The following FAR2 variants were observed in gnomAD, a reference collection of about 807,000 sequenced individuals.
FAR2 encodes the protein fatty acyl-CoA reductase 2.
FAR2 carries 19 observed loss-of-function variants against 56.0 expected under a neutral mutation model. That is an observed-to-expected ratio of 0.34 (90% CI 0.24 to 0.50). The LOEUF (loss-of-function observed/expected upper bound fraction) is 0.50. Ranked by LOEUF, FAR2 falls within the 20% of genes least tolerant of loss-of-function variation. The probability of loss-of-function intolerance (pLI) is 0.98; values close to 1 mark genes in which losing one functional copy is unlikely to be tolerated. For synonymous variants in FAR2, 219 were observed against 218.8 expected (o/e 1.00, Z -0.01); for missense variants, 508 against 642.2 (o/e 0.79, Z 2.26).
intron 1 of FAR2, among the ~76,000 whole-genome samples, chr12:29,201,383 T>C (rs896139580): frequency 6.6e-6 from 1 of 152,182 alleles, no homozygotes; most frequent in African/African-American, 2.4e-5. Context: ...CTGAACAAGA[T>C]ATGAAAGGGA....
chr12:29,270,211 G>A (rs959711709), intron 1 of FAR2, among the ~76,000 whole-genome samples: 1 of 152,130 alleles, frequency 6.6e-6, no homozygotes, highest in Admixed American at 6.5e-5. Flanking sequence ...CACAGTTCCT[G>A]GCATAAAGTC....
At chr12:29,292,817 A>G (rs534099759) in intron 2 of FAR2, among the ~76,000 whole-genome samples, 2 of 152,180 alleles carry the variant, frequency 1.3e-5, no homozygotes, top group Non-Finnish European at 2.9e-5. Flanking sequence ...GCAATTCTGA[A>G]GATCATTTGG....
intron 1 of FAR2, among the ~76,000 whole-genome samples, chr12:29,153,206 G>A (rs529016541): frequency 4.6e-5 from 7 of 152,296 alleles, no homozygotes; most frequent in Non-Finnish European, 7.4e-5. Flanking sequence ...GGGAAGTAGC[G>A]TGGAGAAGAA....
intron 4 of FAR2, among the ~76,000 whole-genome samples, chr12:29,300,220 A>C (rs965723807): frequency 6.6e-6 from 1 of 152,206 alleles, no homozygotes. Context: ...TTATGTATAA[A>C]ATATCTATCC....
chr12:29,219,278 T>C (rs986926733), intron 1 of FAR2, among the ~76,000 whole-genome samples: 8 of 152,192 alleles, frequency 5.3e-5, no homozygotes, highest in Non-Finnish European at 7.3e-5. Context: ...TGGCCCATAG[T>C]AAACACTAAA....
chr12:29,311,612 T>A (rs1216741848), intron 7 of FAR2, among the ~76,000 whole-genome samples: 1 of 151,866 alleles, frequency 6.6e-6, no homozygotes, highest in Non-Finnish European at 1.5e-5. Context: ...ATTTTTCTTA[T>A]GTGAACTCAC....
rs76241430 is a variant in FAR2, at chr12:29,255,103, A to G, written c.-38-15309A>G. On this transcript the variant is annotated intron_variant, in intron 1 of 11. Coordinates refer to ENST00000536681, the MANE Select transcript of FAR2 (RefSeq NM_001271783.2). The stretch of plus-strand genomic sequence containing the variant: ...GCTTGGACTTCCATAACAGAATACC[A>G]GACTATACCAGAATGGGTTGCTTAA... 3.0e-3 allele frequency among the ~76,000 whole-genome samples: 459 copies of G among 152,344 alleles called. 16 individuals are homozygous for G. In the East Asian group the frequency reaches 0.07, roughly 23 times the overall value.
intron 1 of FAR2, among the ~76,000 whole-genome samples, chr12:29,165,246 G>T (rs530662632): frequency 6.6e-6 from 1 of 152,154 alleles, no homozygotes; most frequent in African/African-American, 2.4e-5. Context: ...ATTTTCTCTT[G>T]TTGGTGTCAC....
chr12:29,319,849 T>G (rs1304969233), intron 9 of FAR2, among the ~76,000 whole-genome samples: 1 of 152,216 alleles, frequency 6.6e-6, no homozygotes, highest in African/African-American at 2.4e-5. Flanking sequence ...TTTAAAATTT[T>G]TATGTGGTAA....
chr12:29,182,269 C>T lies in FAR2; in HGVS notation c.-39+32862C>T, dbSNP rs529130965. Among the ~76,000 whole-genome samples, 12 of 152,294 alleles carry T rather than the reference C, an allele frequency of 7.9e-5. No individual in the cohort carries two copies. In the South Asian group the frequency reaches 1.4e-3, roughly 18 times the overall value. On this transcript the variant is annotated intron_variant, in intron 1 of 11. Transcript: ENST00000536681. Reference sequence around the variant, plus strand: ...CAGCTTCCACGTATGGAAGGGGACCCGAGTGGGTTGCAGCTGCTGGCTGCA... The same window carrying T: ...CAGCTTCCACGTATGGAAGGGGACCTGAGTGGGTTGCAGCTGCTGGCTGCA...
rs574117497 is a variant in FAR2, at chr12:29,207,594, AT to A, written c.-39+58196del. ...ACTATGGTTTGTTCTCGTTTCTCTG[AT>A]TTTTTTTTCTCTTTTTCCCTTTTTT... is the stretch of plus-strand genomic sequence containing the variant. On this transcript the variant is annotated intron_variant, in intron 1 of 11. Coordinates refer to ENST00000536681, the MANE Select transcript of FAR2 (RefSeq NM_001271783.2). Among the ~76,000 whole-genome samples, 222 of 151,438 alleles carry A rather than the reference AT, an allele frequency of 1.5e-3. 1 individual carries two copies. In the South Asian group the frequency reaches 0.021, roughly 15 times the overall value.
intron 1 of FAR2, among the ~76,000 whole-genome samples, chr12:29,233,527 G>C (rs1484949201): frequency 6.6e-6 from 1 of 152,104 alleles, no homozygotes; most frequent in East Asian, 1.9e-4. Context: ...TGTACCATCT[G>C]TCAACTTCCT....
At chr12:29,215,795 TAGTCATTAAATGGA>T (rs1947614673) in intron 1 of FAR2, among the ~76,000 whole-genome samples, 1 of 152,056 alleles carries the variant, frequency 6.6e-6, no homozygotes, top group African/African-American at 2.4e-5. Flanking sequence ...TAAACAAAAA[TAGTCATTAAATGGA>T]ATGAATATGT....
chr12:29,157,715 G>A (rs1001490590), intron 1 of FAR2, among the ~76,000 whole-genome samples: 5 of 152,152 alleles, frequency 3.3e-5, no homozygotes, highest in African/African-American at 1.2e-4. Flanking sequence ...GTCATTGTGA[G>A]GGCACATTCC....
At chr12:29,325,606 C>T (rs189392152) in intron 10 of FAR2, among the ~76,000 whole-genome samples, 15 of 152,282 alleles carry the variant, frequency 9.9e-5, no homozygotes, top group Admixed American at 1.3e-4. Context: ...TCACTCAAAA[C>T]CACTCAACTA....
At position 29,176,319 on chromosome 12, in the gene FAR2, G is replaced by A. The variant is rs79133963; in HGVS notation, c.-39+26912G>A. 4.3e-3 allele frequency among the ~76,000 whole-genome samples: 660 copies of A among 152,260 alleles called. 3 individuals are homozygous for A. Among genetic ancestry groups the A allele is most frequent in the South Asian group, 0.011 (54 of 4,824 alleles). ...TTTACTGCCTGTGGTGTGCTTTGCC[G>A]TCATCAGAGCCACTGGCCTGTCATG... On this transcript the variant is annotated intron_variant, in intron 1 of 11. Coordinates refer to ENST00000536681, the MANE Select transcript of FAR2 (RefSeq NM_001271783.2).
chr12:29,181,354 GTTTCATGAAA>G (rs1223982577), intron 1 of FAR2, among the ~76,000 whole-genome samples: 1 of 152,066 alleles, frequency 6.6e-6, no homozygotes, highest in Non-Finnish European at 1.5e-5. Flanking sequence ...ATTTTTGTGA[GTTTCATGAAA>G]AACTAGCCAA....
Position 29,219,011 on chromosome 12 carries a change from C to A in FAR2, c.-38-51401C>A, listed in dbSNP as rs534891777. Among the ~76,000 whole-genome samples the A allele has an allele frequency of 7.2e-5, 11 of 152,256 alleles. No homozygotes were observed. In the South Asian group the frequency reaches 2.3e-3, roughly 32 times the overall value. On this transcript the variant is annotated intron_variant, in intron 1 of 11. Transcript: ENST00000536681. ...TCAAGCAATCCCCTTTCCTCAGCGTCTTGAGTAGCTGGGACTACAAGCACA... is the reference window on the plus strand; with the variant it reads ...TCAAGCAATCCCCTTTCCTCAGCGTATTGAGTAGCTGGGACTACAAGCACA...
chr12:29,226,543 T>C (rs1947771756), intron 1 of FAR2, among the ~76,000 whole-genome samples: 1 of 152,228 alleles, frequency 6.6e-6, no homozygotes, highest in Admixed American at 6.5e-5. Flanking sequence ...TTTCAAACTA[T>C]GGGAAACAAA....
Sources: gnomAD v4.1 joint callset for allele counts (sites outside exome capture counted in the v4.1 genomes callset) on GRCh38, gnomAD v4.1.1 for gene constraint, MANE v1.5 for transcripts, NCBI Gene and HGNC (gene_info 2026-07-23, HGNC 2026-07-21) for gene names.